Variants in GAB2 observed in about 807,000 individuals in gnomAD.
GAB2 encodes GRB2 associated binding protein 2.
In GAB2, 26 loss-of-function variants were observed where a neutral mutation model predicts 65.5. The ratio of observed to expected loss-of-function variants is 0.40; its 90% CI spans 0.29 to 0.55. GAB2 has a LOEUF of 0.55. GAB2 is among the 20% of genes least tolerant of loss of function. GAB2 has a pLI of 0.53. For missense variants in GAB2, 884 were observed against 875.8 expected, an observed-to-expected ratio of 1.01 and a Z score of -0.12; for synonymous variants, 321 against 329.6, an observed-to-expected ratio of 0.97 and a Z score of 0.28.
At chr11:78,285,593 C>A (rs1397447541) in intron 1 of GAB2, among the ~76,000 whole-genome samples, 1 of 152,226 alleles carries the variant, frequency 6.6e-6, no homozygotes, top group East Asian at 1.9e-4. Flanking sequence ...CGCCTCTCTT[C>A]AGTAAATGGG....
intron 1 of GAB2, among the ~76,000 whole-genome samples, chr11:78,370,957 G>C (rs1236327710): frequency 2.0e-5 from 3 of 152,156 alleles, no homozygotes; most frequent in Non-Finnish European, 4.4e-5. Flanking sequence ...GCCAGGGTCT[G>C]GCCAAATGGG....
intron 2 of GAB2, among the ~76,000 whole-genome samples, chr11:78,257,199 C>T (rs554261388): frequency 3.9e-5 from 6 of 152,316 alleles, no homozygotes; most frequent in African/African-American, 1.4e-4. Flanking sequence ...CAGCCATCGA[C>T]TGGCTAGTGA....
chr11:78,226,512 G>A lies in GAB2; in HGVS notation c.1160C>T (p.Pro387Leu). 1.2e-6 allele frequency: 2 copies of A among 1,613,974 alleles called. No homozygotes were observed. The highest frequency in any genetic ancestry group is 1.1e-5 in the South Asian group (1 of 91,064). Residue 387 changes from proline (P) to leucine (L), a missense_variant, in exon 4 of 10, where the codon CCC becomes CTC. By Grantham distance (98) the Pro-to-Leu change is moderately conservative (BLOSUM62 -3). Transcript: ENST00000361507. The part of the protein sequence containing the change: ...ENSRSVAATI[P>L]RRNTLPAMDN... Reference sequence around the variant, plus strand: ...CATTGCAGGGAGGGTGTTGCGTCTGGGGATGGTGGCAGCGACAGATCTGCT... The same window carrying A: ...CATTGCAGGGAGGGTGTTGCGTCTGAGGATGGTGGCAGCGACAGATCTGCT...
chr11:78,285,569 G>A (rs1440446295), intron 1 of GAB2, among the ~76,000 whole-genome samples: 2 of 152,164 alleles, frequency 1.3e-5, no homozygotes, highest in Admixed American at 6.5e-5. Context: ...AGGTTCAGGC[G>A]ATTCTCCCGC....
chr11:78,403,319 G>T (rs1856998373), intron 1 of GAB2, among the ~76,000 whole-genome samples: 1 of 152,208 alleles, frequency 6.6e-6, no homozygotes, highest in Non-Finnish European at 1.5e-5. Flanking sequence ...GAGTTAAACT[G>T]CAGGATAATT....
At chr11:78,403,259 G>C (rs1319553092) in intron 1 of GAB2, among the ~76,000 whole-genome samples, 3 of 152,194 alleles carry the variant, frequency 2.0e-5, no homozygotes, top group Non-Finnish European at 2.9e-5. Context: ...AAAACTGCTA[G>C]GGTTACCCTA....
At chr11:78,292,513 T>C (rs965704985) in intron 1 of GAB2, among the ~76,000 whole-genome samples, 1 of 152,226 alleles carries the variant, frequency 6.6e-6, no homozygotes, top group Non-Finnish European at 1.5e-5. Context: ...GGTTGAGTTC[T>C]AGCTCAAACA....
intron 1 of GAB2, among the ~76,000 whole-genome samples, chr11:78,371,882 A>G (rs1211234551): frequency 6.6e-6 from 1 of 152,214 alleles, no homozygotes; most frequent in African/African-American, 2.4e-5. Flanking sequence ...TCCCAGTTCC[A>G]TCTCTTATTA....
intron 1 of GAB2, among the ~76,000 whole-genome samples, chr11:78,330,409 T>C (rs182054801): frequency 3.7e-4 from 56 of 152,312 alleles, no homozygotes; most frequent in African/African-American, 1.2e-3. Context: ...GTTTTGGAGT[T>C]TTTCACAAGT....
chr11:78,253,990 G>C (rs1017908645), intron 2 of GAB2, among the ~76,000 whole-genome samples: 4 of 152,160 alleles, frequency 2.6e-5, no homozygotes, highest in African/African-American at 9.7e-5. Context: ...TTGGCTGTGA[G>C]TATGAATAAA....
At chr11:78,231,466 C>T (rs1488005006) in intron 3 of GAB2, among the ~76,000 whole-genome samples, 3 of 152,108 alleles carry the variant, frequency 2.0e-5, no homozygotes, top group Admixed American at 2.0e-4. Context: ...TCTCCTGCCT[C>T]AGCACCCTGA....
intron 2 of GAB2, among the ~76,000 whole-genome samples, chr11:78,267,870 A>AAAAAAAAAAAAAAAAAAAAAAAAC (rs1865909754): frequency 6.6e-6 from 1 of 150,916 alleles, no homozygotes. Context: ...AAAAAAAAAA[A>AAAAAAAAAAAAAAAAAAAAAAAAC]AAAAAAAAAA....
intron 3 of GAB2, among the ~76,000 whole-genome samples, chr11:78,231,646 C>T (rs971247289): frequency 5.3e-5 from 8 of 152,202 alleles, no homozygotes; most frequent in Admixed American, 2.6e-4. Context: ...CTGTGCCCGG[C>T]CTTCCCTTGG....
chr11:78,373,435 T>C (rs1856596837), intron 1 of GAB2, among the ~76,000 whole-genome samples: 1 of 152,034 alleles, frequency 6.6e-6, no homozygotes, highest in Non-Finnish European at 1.5e-5. Context: ...TGGGAGTTTC[T>C]CCTTGCTGGT....
chr11:78,291,561 C>CTTTTTTTTTTTT (rs1163199130), intron 1 of GAB2, among the ~76,000 whole-genome samples: 30 of 80,888 alleles, frequency 3.7e-4, no homozygotes, highest in South Asian at 8.8e-4. Flanking sequence ...TTTTCTTTTT[C>CTTTTTTTTTTTT]TTTTTTTTTT....
intron 1 of GAB2, among the ~76,000 whole-genome samples, chr11:78,416,119 G>A (rs569122248): frequency 6.6e-6 from 1 of 151,948 alleles, no homozygotes; most frequent in African/African-American, 2.4e-5. Flanking sequence ...CTAACGAACT[G>A]ATACAACCCT....
chr11:78,250,911 T>C (rs910132068), intron 2 of GAB2, among the ~76,000 whole-genome samples: 17 of 152,062 alleles, frequency 1.1e-4, no homozygotes, highest in Non-Finnish European at 1.0e-4. Flanking sequence ...AGGGTGCACA[T>C]GGACATAAAG....
At chr11:78,368,235 A>AAAT (rs1316060542) in intron 1 of GAB2, among the ~76,000 whole-genome samples, 1 of 152,224 alleles carries the variant, frequency 6.6e-6, no homozygotes, top group East Asian at 1.9e-4. Flanking sequence ...TTGTTCAACC[A>AAAT]GGAAGTCCAT....
chr11:78,360,863 A>AT (rs1856425751), intron 1 of GAB2, among the ~76,000 whole-genome samples: 1 of 151,502 alleles, frequency 6.6e-6, no homozygotes, highest in African/African-American at 2.4e-5. Context: ...CGTCTCAAAG[A>AT]AAAACAACAA....
Sources: allele counts gnomAD v4.1 joint callset (sites outside exome capture counted in the v4.1 genomes callset), GRCh38; gene constraint gnomAD v4.1.1; transcripts MANE v1.5; gene names NCBI Gene and HGNC (gene_info 2026-07-23, HGNC 2026-07-21).